PCDHGA8: variants seen among roughly 807,000 people sequenced by gnomAD.
The protein encoded by PCDHGA8 is protocadherin gamma-A8.
Under a neutral mutation model 59.2 loss-of-function variants are expected in PCDHGA8, and 45 were observed. That is an observed-to-expected ratio of 0.76 (90% CI 0.60 to 0.98). PCDHGA8 has a LOEUF of 0.98. Among genes scored for constraint, PCDHGA8 ranks in the 50% least tolerant of loss-of-function variants. The pLI is 0.00. For missense variants in PCDHGA8, 1,257 were observed against 1,196.2 expected, an observed-to-expected ratio of 1.05 and a Z score of -0.75; for synonymous variants, 531 against 519.0, an observed-to-expected ratio of 1.02 and a Z score of -0.32.
chr5:141,450,278 G>C (rs977381598), intron 1 of PCDHGA8, among the ~76,000 whole-genome samples: 1 of 152,026 alleles, frequency 6.6e-6, no homozygotes, highest in African/African-American at 2.4e-5. Flanking sequence ...TCAGCTAAGT[G>C]CTGGGATTAC....
rs764658508 is a variant in PCDHGA8 at position 141,431,546 on chromosome 5, G to A, written c.2424+36309G>A. 1.2e-6 allele frequency: 2 copies of A among 1,614,000 alleles called. No homozygotes were observed. Among genetic ancestry groups the A allele is most frequent in the Admixed American group, 3.3e-5 (2 of 60,012 alleles). On this transcript the variant is annotated intron_variant, in intron 1 of 3. Coordinates refer to ENST00000398604, the MANE Select transcript of PCDHGA8 (RefSeq NM_032088.2). This position sits in a 1 kb window ranked among gnomAD's most constrained non-coding sequence, Gnocchi z 4.8. The stretch of plus-strand genomic sequence containing the variant: ...TCTGGCCTTGGGCACGCAGCTGCTT[G>A]TAGTCAACGCTACCGACCCTGACGA...
chr5:141,508,799 C>T (rs962590711), intron 3 of PCDHGA8, among the ~76,000 whole-genome samples: 1 of 152,110 alleles, frequency 6.6e-6, no homozygotes, highest in Non-Finnish European at 1.5e-5. Context: ...ACTCTGGAAT[C>T]CTGGCTCTTT....
intron 1 of PCDHGA8, among the ~76,000 whole-genome samples, chr5:141,461,119 C>T (rs959427669): frequency 6.6e-6 from 1 of 152,016 alleles, no homozygotes; most frequent in Admixed American, 6.6e-5. Flanking sequence ...GTGTCTTTTT[C>T]ATATAATTAC....
rs2093099818 is a variant in PCDHGA8 at position 141,394,799 on chromosome 5, A to T, written c.1986A>T (p.Val662=). The change falls in exon 1 of 4, where the codon GTA becomes GTT. Residue 662 remains valine, a synonymous_variant. Transcript: ENST00000398604. The stretch of plus-strand genomic sequence containing the variant: ...TCTCCGCCACTGTCACGCTCACCGT[A>T]GCCGTGGCTGACAGCATCCCCGAAG... The part of the protein sequence containing the change: ...PPLSATVTLT[V]AVADSIPEVL... 3 of 1,613,690 alleles carry T rather than the reference A, an allele frequency of 1.9e-6. No individual in the cohort carries two copies. The Admixed American group carries it at 5.0e-5, about 27-fold the overall frequency.
At chr5:141,404,692 C>G (rs543452623) in intron 1 of PCDHGA8, 2 of 1,614,080 alleles carry the variant, frequency 1.2e-6, no homozygotes, top group South Asian at 2.2e-5. Context: ...TGGCACCCCG[C>G]TCTGCAGAGC....
intron 2 of PCDHGA8, among the ~76,000 whole-genome samples, chr5:141,503,886 T>G (rs150106838): frequency 8.2e-4 from 125 of 152,290 alleles, no homozygotes; most frequent in African/African-American, 2.9e-3. Flanking sequence ...TCACCCACCA[T>G]GACAAAATAT....
chr5:141,408,725 A>G, intron 1 of PCDHGA8: 1 of 1,610,988 alleles, frequency 6.2e-7, no homozygotes, highest in Non-Finnish European at 8.5e-7. Context: ...GATAAACTCT[A>G]ATCCTTATTT....
Position 141,415,348 on chromosome 5 carries a change from A to G in PCDHGA8, c.2424+20111A>G, listed in dbSNP as rs561851810. ...GGCGCACAGGCTGCGGCGCTGGCAC[A>G]AGTCACGCCTGCTGCAGGCTTCAGG... On this transcript the variant is annotated intron_variant, in intron 1 of 3. Transcript: ENST00000398604. The G allele has an allele frequency of 3.1e-6, 5 of 1,614,222 alleles. 1 individual carries two copies. The highest frequency in any genetic ancestry group is 1.6e-4 in the Middle Eastern group (1 of 6,062).
At chr5:141,450,772 C>T (rs544188262) in intron 1 of PCDHGA8, among the ~76,000 whole-genome samples, 1 of 151,944 alleles carries the variant, frequency 6.6e-6, no homozygotes, top group African/African-American at 2.4e-5. Flanking sequence ...CAGGCATGAG[C>T]CACCGTGCCC....
Position 141,477,952 on chromosome 5 carries a change from A to C in PCDHGA8, c.2425-16855A>C, listed in dbSNP as rs907708638. The C allele has an allele frequency of 1.2e-6, 2 of 1,614,038 alleles. No individual in the cohort carries two copies. Among genetic ancestry groups the C allele is most frequent in the Non-Finnish European group, 1.7e-6 (2 of 1,180,002 alleles). Reference sequence around the variant, plus strand: ...CCTGGCTCTCCTACAGTCTCTTGGGATCCCCTAACCAGAGCCTTTTTGCCA... The same window carrying C: ...CCTGGCTCTCCTACAGTCTCTTGGGCTCCCCTAACCAGAGCCTTTTTGCCA... On this transcript the variant is annotated intron_variant, in intron 1 of 3. Coordinates refer to ENST00000398604, the MANE Select transcript of PCDHGA8 (RefSeq NM_032088.2). This position sits in a 1 kb window ranked among gnomAD's most constrained non-coding sequence, Gnocchi z 4.9.
At chr5:141,420,469 T>C in intron 1 of PCDHGA8, 1 of 724,306 alleles carries the variant, frequency 1.4e-6, no homozygotes. Flanking sequence ...AAAGACATTT[T>C]AAAGCAAACT....
intron 1 of PCDHGA8, among the ~76,000 whole-genome samples, chr5:141,469,923 G>A (rs1251812588): frequency 1.3e-5 from 2 of 152,200 alleles, no homozygotes; most frequent in Non-Finnish European, 2.9e-5. Flanking sequence ...CCGAGGTCAG[G>A]AGTTTGAGAC....
Position 141,415,491 on chromosome 5 carries a change from G to C in PCDHGA8, c.2424+20254G>C, listed in dbSNP as rs1386703838. 3.7e-6 allele frequency: 6 copies of C among 1,614,090 alleles called. No homozygotes were observed. The Admixed American group carries it at 8.3e-5, about 22-fold the overall frequency. ...CCGCGGACTCGCGAAAGAGTCACCTGATCTTCCCCCAGCCCAATTATGCGG... is the reference window on the plus strand; with the variant it reads ...CCGCGGACTCGCGAAAGAGTCACCTCATCTTCCCCCAGCCCAATTATGCGG... On this transcript the variant is annotated intron_variant, in intron 1 of 3. Coordinates refer to ENST00000398604, the MANE Select transcript of PCDHGA8 (RefSeq NM_032088.2).
At chr5:141,436,327 C>T (rs1384222077) in intron 1 of PCDHGA8, among the ~76,000 whole-genome samples, 1 of 152,098 alleles carries the variant, frequency 6.6e-6, no homozygotes, top group Admixed American at 6.5e-5. Flanking sequence ...ACTGTTAGAC[C>T]ATATCTCAAA....
intron 1 of PCDHGA8, among the ~76,000 whole-genome samples, chr5:141,426,098 A>T (rs144349682): frequency 6.6e-6 from 1 of 152,356 alleles, no homozygotes; most frequent in Non-Finnish European, 1.5e-5. Flanking sequence ...TATTCTGTTC[A>T]GTCACAGAAG....
Position 141,476,376 on chromosome 5 carries a change from T to C in PCDHGA8, c.2425-18431T>C. ...GTGAACCGGGAGACCGGAGAGATGT[T>C]TGTGAACGACCGTCTGGATCGAGAG... On this transcript the variant is annotated intron_variant, in intron 1 of 3. Coordinates refer to ENST00000398604, the MANE Select transcript of PCDHGA8 (RefSeq NM_032088.2). The surrounding 1 kb of genome is among the most constrained non-coding windows in gnomAD (Gnocchi z 7.6). The C allele has an allele frequency of 6.2e-7, 1 of 1,614,060 alleles. No homozygotes were observed. Among genetic ancestry groups the C allele is most frequent in the Non-Finnish European group, 8.5e-7 (1 of 1,180,004 alleles).
chr5:141,418,533 C>G, intron 1 of PCDHGA8: 1 of 1,614,032 alleles, frequency 6.2e-7, no homozygotes, highest in Non-Finnish European at 8.5e-7. Flanking sequence ...CGAAGCGGTA[C>G]TGCTCAGATA....
chr5:141,394,290 G>A lies in PCDHGA8; in HGVS notation c.1477G>A (p.Glu493Lys), dbSNP rs759077173. ...ENAQVTYSVT[E>K]DTLQGAPLSS... ...TGCCCAGGTCACTTACTCTGTGACC[G>A]AGGACACGCTGCAGGGGGCGCCCCT... Residue 493 changes from glutamate to lysine, a missense_variant, in exon 1 of 4, where the codon GAG becomes AAG. By Grantham distance (56) the Glu-to-Lys change is moderately conservative. Coordinates refer to ENST00000398604, the MANE Select transcript of PCDHGA8 (RefSeq NM_032088.2). 6.8e-6 allele frequency: 11 copies of A among 1,613,800 alleles called. No individual in the cohort carries two copies. Among genetic ancestry groups the A allele is most frequent in the Non-Finnish European group, 8.5e-6 (10 of 1,179,880 alleles).
chr5:141,403,136 C>T, intron 1 of PCDHGA8: 1 of 1,614,006 alleles, frequency 6.2e-7, no homozygotes, highest in South Asian at 1.1e-5. Flanking sequence ...GCTGGCGGAG[C>T]GCCGAGTCCG....
Sources: allele counts gnomAD v4.1 joint callset (sites outside exome capture counted in the v4.1 genomes callset), GRCh38; gene constraint gnomAD v4.1.1; non-coding constraint Gnocchi (gnomAD v3.1); transcripts MANE v1.5; gene names NCBI Gene and HGNC (gene_info 2026-07-23, HGNC 2026-07-21).